The following GALNT17 variants were observed in gnomAD, a reference collection of about 807,000 sequenced individuals.
GALNT17 encodes UDP-GalNAc:polypeptide N-acetylgalactosaminyltransferase-like 3.
GALNT17 carries 29 observed loss-of-function variants against 63.7 expected under a neutral mutation model. The observed-to-expected ratio is 0.46, with a 90% CI of 0.34 to 0.62. GALNT17 has a LOEUF of 0.62. GALNT17 is among the 20% of genes least tolerant of loss of function. The pLI is 0.01. For missense variants in GALNT17, 603 were observed against 799.6 expected (o/e 0.75, Z 2.97); for synonymous variants, 305 against 318.3 (o/e 0.96, Z 0.45).
chr7:71,240,733 C>T (rs576696580), intron 1 of GALNT17, among the ~76,000 whole-genome samples: 5 of 150,606 alleles, frequency 3.3e-5, no homozygotes, highest in African/African-American at 7.4e-5. Flanking sequence ...GGTGCGATCT[C>T]GGCTCACTGC....
At chr7:71,490,256 C>CAA (rs35867509) in intron 5 of GALNT17, among the ~76,000 whole-genome samples, 117 of 136,614 alleles carry the variant, frequency 8.6e-4, no homozygotes, top group Admixed American at 2.1e-3. Flanking sequence ...GACTCTGTCT[C>CAA]AAAAAAAAAA....
chr7:71,351,261 C>T (rs1026871869), intron 2 of GALNT17, among the ~76,000 whole-genome samples: 1 of 152,028 alleles, frequency 6.6e-6, no homozygotes, highest in Non-Finnish European at 1.5e-5. Context: ...GATTTAGGAA[C>T]TGATAGCAGA....
At chr7:71,490,435 C>A (rs1015828357) in intron 5 of GALNT17, among the ~76,000 whole-genome samples, 1 of 152,044 alleles carries the variant, frequency 6.6e-6, no homozygotes, top group Non-Finnish European at 1.5e-5. Flanking sequence ...CCTACAGAGA[C>A]CCCCTTAAGT....
chr7:71,499,395 C>T (rs543937573), intron 5 of GALNT17, among the ~76,000 whole-genome samples: 1 of 152,100 alleles, frequency 6.6e-6, no homozygotes, highest in Non-Finnish European at 1.5e-5. Flanking sequence ...ACCTCCATGT[C>T]TACAAAAAGT....
intron 1 of GALNT17, among the ~76,000 whole-genome samples, chr7:71,156,993 G>A (rs558920266): frequency 6.6e-6 from 1 of 151,056 alleles, no homozygotes; most frequent in Admixed American, 6.6e-5. Flanking sequence ...GTCTTGTTCT[G>A]TTGCCCAGGC....
intron 1 of GALNT17, among the ~76,000 whole-genome samples, chr7:71,208,449 CTTT>C (rs11341410): frequency 1.4e-3 from 162 of 113,398 alleles, no homozygotes; most frequent in African/African-American, 4.6e-3. Flanking sequence ...TTAATAAATG[CTTT>C]TTTTTTTTTT....
In GALNT17 at chr7:71,700,643, A is replaced by G. The variant is rs540726355; in HGVS notation, c.1501-10118A>G. On this transcript the variant is annotated intron_variant, in intron 9 of 10. Coordinates refer to ENST00000333538, the MANE Select transcript of GALNT17 (RefSeq NM_022479.3). ...CATTTCCTCTGGTCTCCAGGCCTTT[A>G]AACAGCTGCTCCATATTCCTGGTCT... 5.9e-4 allele frequency among the ~76,000 whole-genome samples: 90 copies of G among 152,248 alleles called. 4 individuals are homozygous for G. In the South Asian group the frequency reaches 0.018, roughly 31 times the overall value.
chr7:71,329,915 G>A (rs199794937), intron 1 of GALNT17, among the ~76,000 whole-genome samples: 1 of 143,594 alleles, frequency 7.0e-6, no homozygotes. Flanking sequence ...ATATATATAT[G>A]TATGTGTGTG....
intron 5 of GALNT17, among the ~76,000 whole-genome samples, chr7:71,443,361 T>C (rs4388345): frequency 0.95 from 145,244 of 152,220 alleles, 69,301 homozygotes; most frequent in Admixed American, 0.96. Context: ...TATTTGTCGC[T>C]TCCGAATCTC....
chr7:71,660,699 G>A (rs144164081), intron 6 of GALNT17, among the ~76,000 whole-genome samples: 2 of 152,186 alleles, frequency 1.3e-5, no homozygotes, highest in African/African-American at 2.4e-5. Context: ...CACTCCTTCC[G>A]GGAATACCCC....
chr7:71,389,236 C>A (rs890670364), intron 3 of GALNT17, among the ~76,000 whole-genome samples: 16 of 151,878 alleles, frequency 1.1e-4, no homozygotes, highest in African/African-American at 3.4e-4. Context: ...CAGGTTCAAG[C>A]GATTTTCCTG....
intron 3 of GALNT17, among the ~76,000 whole-genome samples, chr7:71,392,658 G>T (rs935580111): frequency 1.3e-5 from 2 of 152,156 alleles, no homozygotes; most frequent in African/African-American, 4.8e-5. Context: ...AAGATGTTCA[G>T]TGAGTAAGAA....
chr7:71,145,541 T>C (rs1268776843), intron 1 of GALNT17, among the ~76,000 whole-genome samples: 1 of 152,146 alleles, frequency 6.6e-6, no homozygotes, highest in African/African-American at 2.4e-5. Flanking sequence ...AAATAGGGTC[T>C]ACATGATTCT....
chr7:71,673,836 C>A (rs1284698835), intron 8 of GALNT17, among the ~76,000 whole-genome samples: 1 of 152,192 alleles, frequency 6.6e-6, no homozygotes, highest in Admixed American at 6.5e-5. Flanking sequence ...CCAGGCTGGC[C>A]TTGAAGTCCT....
At chr7:71,660,607 C>A (rs550179121) in intron 6 of GALNT17, among the ~76,000 whole-genome samples, 8 of 152,340 alleles carry the variant, frequency 5.3e-5, no homozygotes, top group African/African-American at 1.7e-4. Flanking sequence ...GTGGTAGAAA[C>A]ATAAACTGGA....
chr7:71,187,468 C>T (rs932338895), intron 1 of GALNT17, among the ~76,000 whole-genome samples: 4 of 145,652 alleles, frequency 2.7e-5, no homozygotes, highest in African/African-American at 7.3e-5. Flanking sequence ...TTCTGAGTTA[C>T]GCTCACTTCT....
At chr7:71,246,883 G>T (rs745370142) in intron 1 of GALNT17, among the ~76,000 whole-genome samples, 8 of 147,652 alleles carry the variant, frequency 5.4e-5, no homozygotes, top group Non-Finnish European at 1.2e-4. Context: ...GCATCTGTCT[G>T]AAATAAGTAC....
chr7:71,581,864 C>G (rs972726168), intron 6 of GALNT17, among the ~76,000 whole-genome samples: 4 of 152,116 alleles, frequency 2.6e-5, no homozygotes, highest in Non-Finnish European at 5.9e-5. Context: ...GGAAGGGACT[C>G]TGGCCAAGAG....
chr7:71,702,860 G>A lies in GALNT17; in HGVS notation c.1501-7901G>A, dbSNP rs139202969. On this transcript the variant is annotated intron_variant, in intron 9 of 10. Coordinates refer to ENST00000333538, the MANE Select transcript of GALNT17 (RefSeq NM_022479.3). ...GGTGTTTGGCCTAAGCAACTGTAAGGATGGAGTTATCATTACCAAGAAGGA... is the reference window on the plus strand; with the variant it reads ...GGTGTTTGGCCTAAGCAACTGTAAGAATGGAGTTATCATTACCAAGAAGGA... Among the ~76,000 whole-genome samples the A allele has an allele frequency of 7.1e-4, 108 of 152,334 alleles. 2 individuals carry two copies. Among genetic ancestry groups the A allele is most frequent in the African/African-American group, 2.4e-3 (100 of 41,572 alleles).
Sources: allele counts gnomAD v4.1 joint callset (sites outside exome capture counted in the v4.1 genomes callset), GRCh38; gene constraint gnomAD v4.1.1; transcripts MANE v1.5; gene names NCBI Gene and HGNC (gene_info 2026-07-23, HGNC 2026-07-21).